The following ADCY2 variants were observed in gnomAD, a reference collection of about 807,000 sequenced individuals.
ADCY2 encodes adenylate cyclase 2.
A neutral mutation model predicts 125.2 loss-of-function variants in ADCY2; 31 were observed. The ratio of observed to expected loss-of-function variants is 0.25; its 90% CI spans 0.19 to 0.33. The LOEUF (loss-of-function observed/expected upper bound fraction) is 0.33, where lower values mean the gene tolerates loss of function less well. Among genes scored for constraint, ADCY2 ranks in the 10% least tolerant of loss-of-function variants. The pLI is 1.00. For missense variants in ADCY2, 904 were observed against 1,418.2 expected, an observed-to-expected ratio of 0.64 and a Z score of 5.82; for synonymous variants, 512 against 548.4, an observed-to-expected ratio of 0.93 and a Z score of 0.93.
intron 14 of ADCY2, among the ~76,000 whole-genome samples, chr5:7,729,648 A>C (rs1742038130): frequency 6.6e-6 from 1 of 151,020 alleles, no homozygotes; most frequent in Non-Finnish European, 1.5e-5. Context: ...GTAAAGAAAT[A>C]AAATAATGGC....
At chr5:7,571,085 CT>C (rs1736052480) in intron 3 of ADCY2, among the ~76,000 whole-genome samples, 1 of 150,304 alleles carries the variant, frequency 6.7e-6, no homozygotes, top group Non-Finnish European at 1.5e-5. Context: ...GGTATGGAAT[CT>C]ATTAGTCAGG....
rs187623250 is a variant in ADCY2 at position 7,740,244 on chromosome 5, A to G, written c.1872-3424A>G. Among the ~76,000 whole-genome samples the G allele has an allele frequency of 4.6e-3, 706 of 152,168 alleles. 5 individuals are homozygous for G. The highest frequency in any genetic ancestry group is 0.016 in the African/African-American group (680 of 41,580). On this transcript the variant is annotated intron_variant, in intron 14 of 24. Coordinates refer to ENST00000338316, the MANE Select transcript of ADCY2 (RefSeq NM_020546.3). Reference sequence around the variant, plus strand: ...CTGACAATAAAGAATTCAAATGAAAAGTATTCAGCATTTAAAAAAAAGATT... The same window carrying G: ...CTGACAATAAAGAATTCAAATGAAAGGTATTCAGCATTTAAAAAAAAGATT...
chr5:7,454,369 A>C (rs1741588618), intron 2 of ADCY2, among the ~76,000 whole-genome samples: 1 of 152,296 alleles, frequency 6.6e-6, no homozygotes, highest in Non-Finnish European at 1.5e-5. Context: ...GGTGCGACTC[A>C]CTTTATTTCG....
intron 24 of ADCY2, among the ~76,000 whole-genome samples, chr5:7,823,308 C>T (rs114898973): frequency 0.035 from 5,284 of 152,290 alleles, 223 homozygotes; most frequent in African/African-American, 0.1. Flanking sequence ...GATCTGCTCA[C>T]GAGATCAGAC....
At chr5:7,825,108 C>T (rs545197239) in intron 24 of ADCY2, among the ~76,000 whole-genome samples, 70 of 151,800 alleles carry the variant, frequency 4.6e-4, no homozygotes, top group African/African-American at 1.7e-3. Flanking sequence ...TGCCACAACA[C>T]TGCTATGTGC....
intron 7 of ADCY2, among the ~76,000 whole-genome samples, chr5:7,704,708 T>C (rs1371335328): frequency 2.0e-5 from 3 of 152,012 alleles, no homozygotes; most frequent in Admixed American, 2.0e-4. Flanking sequence ...TGAAACCCCG[T>C]CTCTACCAAA....
At chr5:7,819,070 C>T (rs1235354802) in intron 23 of ADCY2, among the ~76,000 whole-genome samples, 1 of 152,168 alleles carries the variant, frequency 6.6e-6, no homozygotes, top group Non-Finnish European at 1.5e-5. Flanking sequence ...AAGCATCCAG[C>T]ACAGGAGGAA....
chr5:7,461,726 A>C (rs1234217672), intron 2 of ADCY2, among the ~76,000 whole-genome samples: 2 of 152,256 alleles, frequency 1.3e-5, no homozygotes, highest in African/African-American at 2.4e-5. Flanking sequence ...AATTTATTAG[A>C]TAAATCTTCA....
intron 2 of ADCY2, among the ~76,000 whole-genome samples, chr5:7,490,681 G>GCA (rs148446889): frequency 6.6e-6 from 1 of 151,696 alleles, no homozygotes; most frequent in African/African-American, 2.4e-5. Context: ...ACACATGCAT[G>GCA]CACACACACA....
intron 3 of ADCY2, among the ~76,000 whole-genome samples, chr5:7,573,593 C>CTTTTTTTTTTTTT (rs763347773): frequency 1.2e-4 from 10 of 86,374 alleles, no homozygotes; most frequent in Non-Finnish European, 1.9e-4. Flanking sequence ...GGTTGATTTT[C>CTTTTTTTTTTTTT]TTTTTTTTTT....
chr5:7,823,090 G>A (rs1397696991), intron 24 of ADCY2, among the ~76,000 whole-genome samples: 2 of 152,040 alleles, frequency 1.3e-5, no homozygotes, highest in Admixed American at 6.6e-5. Context: ...ACCCCATCTC[G>A]TTCATTCCTT....
rs772001613 is a variant in ADCY2 at position 7,520,733 on chromosome 5, C to T, written c.409-5C>T. 1.6e-5 allele frequency: 26 copies of T among 1,613,902 alleles called. No homozygotes were observed. The highest frequency in any genetic ancestry group is 2.2e-5 in the East Asian group (1 of 44,886). On this transcript the variant is annotated splice_region_variant and splice_polypyrimidine_tract_variant and intron_variant, in intron 2 of 24. Transcript: ENST00000338316. ...ACTCTTATTGTTCTTCTTCTCTGCC[C>T]GTAGGTATCGTTCTTCCTCTTCATC... is the stretch of plus-strand genomic sequence containing the variant.
intron 4 of ADCY2, among the ~76,000 whole-genome samples, chr5:7,634,290 C>CTTCAGATAT (rs1738420662): frequency 6.6e-6 from 1 of 152,164 alleles, no homozygotes; most frequent in South Asian, 2.1e-4. Flanking sequence ...ATATCTGTAA[C>CTTCAGATAT]AAATTGAAGG....
chr5:7,729,661 C>T (rs1282728169), intron 14 of ADCY2, among the ~76,000 whole-genome samples: 2 of 150,542 alleles, frequency 1.3e-5, no homozygotes, highest in Non-Finnish European at 3.0e-5. Flanking sequence ...ATAATGGCTA[C>T]TCCTTAGGCA....
At chr5:7,574,029 C>T (rs1327715253) in intron 3 of ADCY2, among the ~76,000 whole-genome samples, 10 of 118,340 alleles carry the variant, frequency 8.5e-5, no homozygotes, top group East Asian at 2.3e-4. Context: ...TTTGTTCTTG[C>T]GATAGTTTAC....
At chr5:7,626,792 A>G (rs965315861) in intron 4 of ADCY2, among the ~76,000 whole-genome samples, 1 of 152,120 alleles carries the variant, frequency 6.6e-6, no homozygotes, top group Non-Finnish European at 1.5e-5. Flanking sequence ...TCCACCCCCA[A>G]GACACAAACA....
Position 7,638,884 on chromosome 5 carries a change from G to A in ADCY2, c.720+12568G>A, listed in dbSNP as rs115120481. The stretch of plus-strand genomic sequence containing the variant: ...CATGTGTCATGGGAGTGTCTAGCTG[G>A]GAGATCACTGAATCATGGGGGTGGG... On this transcript the variant is annotated intron_variant, in intron 4 of 24. Coordinates refer to ENST00000338316, the MANE Select transcript of ADCY2 (RefSeq NM_020546.3). 7.3e-3 allele frequency among the ~76,000 whole-genome samples: 1,108 copies of A among 152,250 alleles called. 10 individuals are homozygous for A. The highest frequency in any genetic ancestry group is 0.025 in the African/African-American group (1,043 of 41,554).
At chr5:7,476,794 C>T (rs1236948158) in intron 2 of ADCY2, among the ~76,000 whole-genome samples, 1 of 152,206 alleles carries the variant, frequency 6.6e-6, no homozygotes, top group Non-Finnish European at 1.5e-5. Context: ...ACATTATTCT[C>T]TTATTTATAA....
intron 4 of ADCY2, among the ~76,000 whole-genome samples, chr5:7,689,353 C>A (rs1579318318): frequency 6.6e-6 from 1 of 151,150 alleles, no homozygotes; most frequent in African/African-American, 2.4e-5. Flanking sequence ...AAGGGCATGG[C>A]ATTTATTGCT....
Sources: allele counts gnomAD v4.1 joint callset (sites outside exome capture counted in the v4.1 genomes callset), GRCh38; gene constraint gnomAD v4.1.1; transcripts MANE v1.5; gene names NCBI Gene and HGNC (gene_info 2026-07-23, HGNC 2026-07-21).